Variants in AGL observed in about 807,000 individuals in gnomAD.
AGL encodes the protein glycogen debranching enzyme.
Under a neutral mutation model 199.3 loss-of-function variants are expected in AGL, and 128 were observed. That is an observed-to-expected ratio of 0.64 (90% CI 0.56 to 0.74). The LOEUF is 0.74. AGL is among the 30% of genes least tolerant of loss of function. The pLI is 0.00. For synonymous variants in AGL, 584 were observed against 594.7 expected, an observed-to-expected ratio of 0.98 and a Z score of 0.26; for missense variants, 1,809 against 1,820.8, an observed-to-expected ratio of 0.99 and a Z score of 0.12.
rs145856395 is a variant in AGL at position 99,851,843 on chromosome 1, T to C, written c.82+719T>C. ...TGTACCAAATGGATGTTGCTAGTCA[T>C]AAACATTTCAAAGGAATTTTTAAAT... On this transcript the variant is annotated intron_variant, in intron 2 of 33. Coordinates refer to ENST00000361915, the MANE Select transcript of AGL (RefSeq NM_000642.3). Among the ~76,000 whole-genome samples, 216 of 152,344 alleles carry C rather than the reference T, an allele frequency of 1.4e-3. 2 individuals carry two copies. Among genetic ancestry groups the C allele is most frequent in the African/African-American group, 5.0e-3 (209 of 41,586 alleles).
In AGL at chr1:99,870,614, CAG is replaced by C. The variant is rs759192138; in HGVS notation, c.846+35_846+36del. The C allele has an allele frequency of 3.7e-5, 59 of 1,610,604 alleles. No individual in the cohort carries two copies. In the East Asian group the frequency reaches 4.5e-4, roughly 12 times the overall value. The stretch of plus-strand genomic sequence containing the variant: ...TGTACAGAGGAGTATCACACTAAAA[CAG>C]AAAAAATTTCTAAAGCACACATTAA... On this transcript the variant is annotated intron_variant, in intron 6 of 33. Transcript: ENST00000361915.
At chr1:99,857,667 TCAGGCGTGGCGGCGCGCGCCTGCAATCG>T (rs1298848286) in intron 2 of AGL, among the ~76,000 whole-genome samples, 1 of 150,304 alleles carries the variant, frequency 6.7e-6, no homozygotes, top group Non-Finnish European at 1.5e-5. Flanking sequence ...CGAAAACCAG[TCAGGCGTGGCGGCGCGCGCCTGCAATCG>T]CAGGCACTCG....
chr1:99,852,491 T>A, intron 2 of AGL: 1 of 561,816 alleles, frequency 1.8e-6, no homozygotes, highest in South Asian at 2.1e-5. Flanking sequence ...TGCCTCAGCC[T>A]CCCAAGTAGC....
intron 31 of AGL, among the ~76,000 whole-genome samples, chr1:99,916,043 TC>T (rs1184880688): frequency 3.3e-5 from 5 of 152,144 alleles, no homozygotes; most frequent in Non-Finnish European, 7.3e-5. Context: ...TTTTATTAAT[TC>T]AAATTATTCT....
intron 30 of AGL, among the ~76,000 whole-genome samples, chr1:99,914,690 G>A (rs1654985662): frequency 2.0e-5 from 3 of 152,120 alleles, no homozygotes; most frequent in Admixed American, 2.0e-4. Context: ...TAAAAGTTCT[G>A]TGTTTATTTA....
chr1:99,886,449 C>T (rs1652460015), intron 20 of AGL, among the ~76,000 whole-genome samples: 1 of 151,590 alleles, frequency 6.6e-6, no homozygotes, highest in Admixed American at 6.6e-5. Context: ...TGTGCCACTG[C>T]TCTCCAGCCT....
intron 7 of AGL, 79 bp from the exon 8 acceptor site, chr1:99,874,608 C>A: frequency 2.1e-6 from 3 of 1,406,510 alleles, no homozygotes; most frequent in Admixed American, 1.9e-5. Context: ...AAATTATAGG[C>A]CAAAAATTAG....
Position 99,897,535 on chromosome 1 carries a change from A to G in AGL, c.3362+1147A>G, listed in dbSNP as rs148765415. Among the ~76,000 whole-genome samples the G allele has an allele frequency of 2.8e-3, 429 of 152,366 alleles. 6 individuals are homozygous for G. The highest frequency in any genetic ancestry group is 2.4e-3 in the Non-Finnish European group (164 of 68,034). On this transcript the variant is annotated intron_variant, in intron 25 of 33. Coordinates refer to ENST00000361915, the MANE Select transcript of AGL (RefSeq NM_000642.3). ...TTAAAACTGAAGTTTTTAGGTGGGC[A>G]TCTGAAATGAATTGCATTTTTGTTA...
chr1:99,921,577 C>T lies in AGL; in HGVS notation c.4525C>T (p.Gln1509Ter), dbSNP rs1480850606. 8.7e-6 allele frequency: 14 copies of T among 1,612,996 alleles called. No homozygotes were observed. In the Admixed American group the frequency reaches 2.3e-4, roughly 27 times the overall value. ...GLPELTNENAQYCPFSCETQA... is the reference protein window; with the variant it reads ...GLPELTNENA Reference sequence around the variant, plus strand: ...TCCAGAACTGACCAATGAGAATGCCCAGTACTGTCCTTTCAGCTGTGAAAC... The same window carrying T: ...TCCAGAACTGACCAATGAGAATGCCTAGTACTGTCCTTTCAGCTGTGAAAC... Residue 1509 changes from glutamine (Q) to a stop codon, truncating the protein, a stop_gained, in exon 34 of 34, where the codon CAG becomes TAG. Transcript: ENST00000361915. LOFTEE classifies it high-confidence loss of function.
intron 24 of AGL, among the ~76,000 whole-genome samples, chr1:99,892,927 TA>T (rs1022768491): frequency 1.3e-5 from 2 of 152,078 alleles, no homozygotes; most frequent in African/African-American, 4.8e-5. Flanking sequence ...CCCCCAATTT[TA>T]AAAAATAAAC....
intron 17 of AGL, among the ~76,000 whole-genome samples, chr1:99,882,683 T>G (rs958881655): frequency 6.6e-6 from 1 of 152,180 alleles, no homozygotes; most frequent in Non-Finnish European, 1.5e-5. Flanking sequence ...TTAATATTAC[T>G]TGATTTTTTT....
rs769218837 is a variant in AGL at position 99,881,588 on chromosome 1, C to T, written c.2205C>T (p.His735=). 6.2e-7 allele frequency: 1 copy of T among 1,614,060 alleles called. No individual in the cohort carries two copies. The highest frequency in any genetic ancestry group is 8.5e-7 in the Non-Finnish European group (1 of 1,179,982). The part of the protein sequence containing the change: ...VDEDIVAVTR[H]SPSIHQSVVA... ...AAGACATAGTGGCAGTAACAAGACA[C>T]TCACCTAGCATCCATCAGTCTGTTG... The change falls in exon 17 of 34, where the codon CAC becomes CAT. Residue 735 remains histidine, a synonymous_variant. Coordinates refer to ENST00000361915, the MANE Select transcript of AGL (RefSeq NM_000642.3).
At chr1:99,857,157 C>T (rs545875877) in intron 2 of AGL, among the ~76,000 whole-genome samples, 106 of 151,202 alleles carry the variant, frequency 7.0e-4, no homozygotes, top group African/African-American at 2.5e-3. Context: ...GCAGAGGCGC[C>T]CCTCACCTCC....
Position 99,879,906 on chromosome 1 carries a change from C to T in AGL, c.1612-17C>T. ...TGTTACATTTATTTGTTACATTTGT[C>T]ACTGTGCTTTTTACAGTACATGTTG... On this transcript the variant is annotated splice_polypyrimidine_tract_variant and intron_variant, in intron 12 of 33. Transcript: ENST00000361915. 1 of 1,589,358 alleles carries T rather than the reference C, an allele frequency of 6.3e-7. No individual in the cohort carries two copies. The highest frequency in any genetic ancestry group is 8.6e-7 in the Non-Finnish European group (1 of 1,157,856).
chr1:99,874,894 A>C, intron 8 of AGL, 84 bp downstream of exon 8: 2 of 1,462,032 alleles, frequency 1.4e-6, no homozygotes, highest in Non-Finnish European at 1.9e-6. Context: ...TACTTATTAA[A>C]AACGCTTAAT....
intron 33 of AGL, among the ~76,000 whole-genome samples, chr1:99,918,916 G>T (rs1472692032): frequency 6.6e-6 from 1 of 151,770 alleles, no homozygotes; most frequent in Non-Finnish European, 1.5e-5. Flanking sequence ...ACAAGCAAGT[G>T]TTCCTGACGC....
At chr1:99,890,668 T>A (rs1392683229) in intron 21 of AGL, among the ~76,000 whole-genome samples, 1 of 151,786 alleles carries the variant, frequency 6.6e-6, no homozygotes. Context: ...TATATATACC[T>A]CATTTTGATA....
chr1:99,885,026 A>G (rs1254061415), intron 20 of AGL, among the ~76,000 whole-genome samples: 5 of 152,168 alleles, frequency 3.3e-5, no homozygotes, highest in Non-Finnish European at 7.4e-5. Flanking sequence ...ACCCTTTACC[A>G]CATCATTTTT....
chr1:99,884,109 T>G lies in AGL; in HGVS notation c.2309-11T>G, dbSNP rs966706462. The G allele has an allele frequency of 6.2e-7, 1 of 1,607,480 alleles. No individual in the cohort carries two copies. ...ATGAAATTTTGTTAAAATGTTTTTA[T>G]GTATTCCTAGGCAAAATTGAAGAAG... On this transcript the variant is annotated splice_polypyrimidine_tract_variant and intron_variant, in intron 17 of 33. Transcript: ENST00000361915.
Sources: allele counts gnomAD v4.1 joint callset (sites outside exome capture counted in the v4.1 genomes callset), GRCh38; gene constraint gnomAD v4.1.1; transcripts MANE v1.5; gene names NCBI Gene and HGNC (gene_info 2026-07-23, HGNC 2026-07-21).